Variants in JAZF1 observed in about 807,000 individuals in gnomAD.
JAZF1 encodes the protein JAZF zinc finger 1, also known as juxtaposed with another zinc finger protein 1.
In JAZF1, 8 loss-of-function variants were observed where a neutral mutation model predicts 26.4. That is an observed-to-expected ratio of 0.30 (90% CI 0.18 to 0.55). JAZF1 has a LOEUF of 0.55. Ranked by LOEUF, JAZF1 falls within the 20% of genes least tolerant of loss-of-function variation. JAZF1 has a pLI of 0.94. For synonymous variants in JAZF1, 126 were observed against 122.3 expected (o/e 1.03, Z -0.20); for missense variants, 199 against 322.0 (o/e 0.62, Z 2.92).
At chr7:28,160,750 A>C (rs1400295727) in intron 1 of JAZF1, among the ~76,000 whole-genome samples, 1 of 152,208 alleles carries the variant, frequency 6.6e-6, no homozygotes, top group African/African-American at 2.4e-5. Flanking sequence ...GCATGACAGT[A>C]CCTCATGCTG....
At chr7:28,000,029 A>C (rs1413435865) in intron 1 of JAZF1, among the ~76,000 whole-genome samples, 1 of 152,182 alleles carries the variant, frequency 6.6e-6, no homozygotes, top group African/African-American at 2.4e-5. Context: ...TTTTGAAGGG[A>C]GTGAGCGTAG....
At chr7:28,080,062 A>G (rs1252892197) in intron 1 of JAZF1, among the ~76,000 whole-genome samples, 1 of 152,276 alleles carries the variant, frequency 6.6e-6, no homozygotes, top group Non-Finnish European at 1.5e-5. Context: ...TTATTGCTAA[A>G]AAATACTTTG....
intron 2 of JAZF1, among the ~76,000 whole-genome samples, chr7:27,975,177 G>T (rs187773623): frequency 3.1e-3 from 465 of 152,180 alleles, no homozygotes; most frequent in African/African-American, 0.011. Flanking sequence ...GAGTCACCGC[G>T]TCGGGCCAGG....
rs1782718827 is a variant in JAZF1, at chr7:27,832,246, A to G, written c.*554T>C. 4.7e-6 allele frequency: 1 copy of G among 212,052 alleles called. No homozygotes were observed. The highest frequency in any genetic ancestry group is 2.3e-5 in the African/African-American group (1 of 44,156). The allele number at this position is 212,052 out of a possible 1,614,324, so 13.1% of individuals were successfully genotyped here. ...TTTACGTATGTTATTTAAATATGAA[A>G]ATATTTTTAGCATATTATGTTAAAC... is the stretch of plus-strand genomic sequence containing the variant. On this transcript the variant is annotated 3_prime_UTR_variant, in exon 5 of 5. Coordinates refer to ENST00000283928, the MANE Select transcript of JAZF1 (RefSeq NM_175061.4).
chr7:28,110,448 A>AAAAGGAAAGG (rs147739964), intron 1 of JAZF1, among the ~76,000 whole-genome samples: 5 of 64,062 alleles, frequency 7.8e-5, no homozygotes, highest in South Asian at 6.5e-4. Flanking sequence ...GAGAGAGAGA[A>AAAAGGAAAGG]AAAGGAAAGG....
chr7:28,178,478 C>T (rs901419080), intron 1 of JAZF1, among the ~76,000 whole-genome samples: 2 of 152,108 alleles, frequency 1.3e-5, no homozygotes, highest in African/African-American at 4.8e-5. Context: ...TATGCAATGA[C>T]AGCCTTCTGT....
chr7:27,895,129 TCCCCAGCCCCTTTCTGC>T, intron 3 of JAZF1, 74 bp downstream of exon 3: 1 of 748,590 alleles, frequency 1.3e-6, no homozygotes, highest in Non-Finnish European at 2.0e-6. Context: ...TCGTCATCTG[TCCCCAGCCCCTTTCTGC>T]CCCCAGCACA....
At position 28,161,488 on chromosome 7, in the gene JAZF1, G is replaced by A. The variant is rs563304993; in HGVS notation, c.115+18975C>T. On this transcript the variant is annotated intron_variant, in intron 1 of 4. Transcript: ENST00000283928. Reference sequence around the variant, plus strand: ...AACTACTGGCCCTCTTGCACTCTACGTTACCAGGTGCCTCCTTGTTATTAA... The same window carrying A: ...AACTACTGGCCCTCTTGCACTCTACATTACCAGGTGCCTCCTTGTTATTAA... Among the ~76,000 whole-genome samples, 26 of 152,234 alleles carry A rather than the reference G, an allele frequency of 1.7e-4. 1 individual carries two copies. Among genetic ancestry groups the A allele is most frequent in the South Asian group, 1.5e-3 (7 of 4,824 alleles).
At chr7:28,056,197 T>TA (rs950566084) in intron 1 of JAZF1, among the ~76,000 whole-genome samples, 98 of 142,634 alleles carry the variant, frequency 6.9e-4, no homozygotes, top group Admixed American at 1.5e-3. Flanking sequence ...GGAGTATCTC[T>TA]AAAAAAAAAA....
intron 4 of JAZF1, among the ~76,000 whole-genome samples, chr7:27,838,156 T>A (rs1271998784): frequency 6.6e-6 from 1 of 152,196 alleles, no homozygotes; most frequent in African/African-American, 2.4e-5. Flanking sequence ...TCCCTGGGTG[T>A]CTTGTCTCCT....
intron 1 of JAZF1, among the ~76,000 whole-genome samples, chr7:28,123,773 T>A (rs749969017): frequency 2.0e-5 from 3 of 152,226 alleles, no homozygotes; most frequent in Non-Finnish European, 4.4e-5. Context: ...CTGGGATTGA[T>A]GACTCTTACT....
chr7:28,148,128 T>A (rs1430407439), intron 1 of JAZF1, among the ~76,000 whole-genome samples: 1 of 152,066 alleles, frequency 6.6e-6, no homozygotes, highest in Non-Finnish European at 1.5e-5. Context: ...TGGAGTGCAG[T>A]GGCACGATCT....
intron 1 of JAZF1, among the ~76,000 whole-genome samples, chr7:27,992,765 A>ATT (rs1311360662): frequency 6.6e-6 from 1 of 152,242 alleles, no homozygotes; most frequent in Non-Finnish European, 1.5e-5. Flanking sequence ...TGAGCACACA[A>ATT]TTTTAATTTT....
At chr7:27,938,425 T>C (rs1784790017) in intron 2 of JAZF1, among the ~76,000 whole-genome samples, 1 of 152,226 alleles carries the variant, frequency 6.6e-6, no homozygotes, top group South Asian at 2.1e-4. Context: ...GGCCCATTCA[T>C]CTATTGACTA....
chr7:27,891,726 G>A (rs1783979352), intron 3 of JAZF1, among the ~76,000 whole-genome samples: 1 of 152,126 alleles, frequency 6.6e-6, no homozygotes, highest in Admixed American at 6.5e-5. Context: ...CTACACAGGA[G>A]GCTGACGTGA....
chr7:28,175,817 T>C lies in JAZF1; in HGVS notation c.115+4646A>G, dbSNP rs146180049. Reference sequence around the variant, plus strand: ...AATCATACACATCAGCCACGAAAGCTCAGGCAATTATAAACTGTACCTTAG... The same window carrying C: ...AATCATACACATCAGCCACGAAAGCCCAGGCAATTATAAACTGTACCTTAG... On this transcript the variant is annotated intron_variant, in intron 1 of 4. Transcript: ENST00000283928. Among the ~76,000 whole-genome samples the C allele has an allele frequency of 5.0e-4, 76 of 152,310 alleles. 1 individual carries two copies. In the East Asian group the frequency reaches 0.013, roughly 26 times the overall value.
intron 1 of JAZF1, among the ~76,000 whole-genome samples, chr7:28,120,596 C>A (rs748722888): frequency 4.0e-5 from 6 of 148,886 alleles, no homozygotes; most frequent in Admixed American, 1.4e-4. Context: ...CAACCTCCGC[C>A]TCCCGGGTTC....
At chr7:28,023,044 A>G (rs913103747) in intron 1 of JAZF1, among the ~76,000 whole-genome samples, 5 of 152,250 alleles carry the variant, frequency 3.3e-5, no homozygotes, top group Non-Finnish European at 5.9e-5. Flanking sequence ...ACAAACACAC[A>G]GGAAAAACAA....
intron 2 of JAZF1, among the ~76,000 whole-genome samples, chr7:27,906,127 C>T (rs1052240018): frequency 5.9e-5 from 9 of 152,230 alleles, no homozygotes; most frequent in African/African-American, 1.7e-4. Context: ...GCTAAGCAAA[C>T]GAAAGAAGGC....
Sources: allele counts gnomAD v4.1 joint callset (sites outside exome capture counted in the v4.1 genomes callset), GRCh38; gene constraint gnomAD v4.1.1; transcripts MANE v1.5; gene names NCBI Gene and HGNC (gene_info 2026-07-23, HGNC 2026-07-21).